KIAA0586: variants seen among roughly 807,000 people sequenced by gnomAD.
KIAA0586 encodes the protein protein TALPID3.
KIAA0586 carries 144 observed loss-of-function variants against 169.8 expected under a neutral mutation model. That is an observed-to-expected ratio of 0.85 (90% CI 0.74 to 0.97). The LOEUF is 0.97. KIAA0586 is among the 50% of genes least tolerant of loss of function. The pLI, the probability that KIAA0586 is intolerant of heterozygous loss-of-function variation, is 0.00. For synonymous variants in KIAA0586, 625 were observed against 612.4 expected, an observed-to-expected ratio of 1.02 and a Z score of -0.30; for missense variants, 1,854 against 1,823.0, an observed-to-expected ratio of 1.02 and a Z score of -0.31.
intron 19 of KIAA0586, among the ~76,000 whole-genome samples, chr14:58,476,668 C>CTTTTT (rs10666323): frequency 3.8e-5 from 5 of 131,606 alleles, no homozygotes; most frequent in Non-Finnish European, 4.7e-5. Context: ...TTCAGAGGTA[C>CTTTTT]TTTTTTTTTT....
chr14:58,472,079 A>G, intron 17 of KIAA0586, 120 bp from the exon 18 acceptor site: 1 of 467,756 alleles, frequency 2.1e-6, no homozygotes, highest in Non-Finnish European at 3.8e-6. Context: ...ATAGGGTATT[A>G]AAATGATTAA....
At chr14:58,527,954 G>A (rs1270595097) in intron 29 of KIAA0586, among the ~76,000 whole-genome samples, 1 of 152,134 alleles carries the variant, frequency 6.6e-6, no homozygotes, top group Non-Finnish European at 1.5e-5. Context: ...GCTGTATTCA[G>A]GAGACCCATC....
intron 29 of KIAA0586, among the ~76,000 whole-genome samples, chr14:58,533,866 A>G (rs920670396): frequency 1.3e-5 from 2 of 152,052 alleles, no homozygotes; most frequent in African/African-American, 4.8e-5. Flanking sequence ...AAATCTTTAA[A>G]GCTCTTATTT....
intron 6 of KIAA0586, 51 bp downstream of exon 6, chr14:58,444,226 C>A: frequency 2.5e-6 from 3 of 1,177,060 alleles, no homozygotes; most frequent in Non-Finnish European, 3.7e-6. Context: ...TCACTTGGAT[C>A]TCTCAGCCAG....
chr14:58,527,511 C>T (rs542930204), intron 29 of KIAA0586, among the ~76,000 whole-genome samples: 4 of 152,272 alleles, frequency 2.6e-5, no homozygotes, highest in African/African-American at 4.8e-5. Context: ...GCTCTCTCTG[C>T]GGAAACCCTA....
At chr14:58,483,951 T>C (rs2042203498) in intron 21 of KIAA0586, among the ~76,000 whole-genome samples, 1 of 152,172 alleles carries the variant, frequency 6.6e-6, no homozygotes, top group African/African-American at 2.4e-5. Context: ...GATCTGTGCT[T>C]TATTAGCTCA....
chr14:58,531,209 C>G (rs1398428443), intron 29 of KIAA0586, among the ~76,000 whole-genome samples: 3 of 151,390 alleles, frequency 2.0e-5, no homozygotes, highest in African/African-American at 7.3e-5. Flanking sequence ...CACCTGTAGT[C>G]CCAGCTACTT....
At position 58,453,400 on chromosome 14, in the gene KIAA0586, A is replaced by C; in HGVS notation, c.1180A>C (p.Arg394=). 6.8e-7 allele frequency: 1 copy of C among 1,465,052 alleles called. No homozygotes were observed. The highest frequency in any genetic ancestry group is 1.3e-5 in the South Asian group (1 of 75,634). 90.8% of individuals were successfully genotyped at this position (1,465,052 alleles called of 1,614,324 possible). ...QILNNNDSLT[R]KSESSNTTSL... ...TTTGAATAATAATGATTCTTTGACAAGAAAAAGTGAATCATCAAACACCAC... is the reference window on the plus strand; with the variant it reads ...TTTGAATAATAATGATTCTTTGACACGAAAAAGTGAATCATCAAACACCAC... Residue 394 remains arginine, a synonymous_variant, in exon 9 of 31, where the codon AGA becomes CGA. Coordinates refer to ENST00000652326, the MANE Select transcript of KIAA0586 (RefSeq NM_001329943.3).
At chr14:58,485,746 C>T (rs1398054095) in intron 21 of KIAA0586, among the ~76,000 whole-genome samples, 1 of 152,152 alleles carries the variant, frequency 6.6e-6, no homozygotes, top group African/African-American at 2.4e-5. Context: ...TTTTCCTTCT[C>T]CAGTACTTTC....
chr14:58,547,358 C>G (rs555961315), intron 30 of KIAA0586, among the ~76,000 whole-genome samples: 13 of 152,090 alleles, frequency 8.5e-5, no homozygotes, highest in Non-Finnish European at 1.5e-4. Flanking sequence ...ACTATTTTAT[C>G]CTCACTATAC....
chr14:58,440,286 CTT>C lies in KIAA0586; in HGVS notation c.411-2418_411-2417del, dbSNP rs1346929305. ...CTCTGCTCTGCTTTTCTCTTTTCTTCTTTCTCTCTCTCTCTCTCTTCCTCCCT... is the reference window on the plus strand; with the variant it reads ...CTCTGCTCTGCTTTTCTCTTTTCTTCTCTCTCTCTCTCTCTCTTCCTCCCT... On this transcript the variant is annotated intron_variant, in intron 4 of 30. Transcript: ENST00000652326. 10 of 394,134 alleles carry C rather than the reference CTT, an allele frequency of 2.5e-5. No homozygotes were observed. The East Asian group carries it at 2.6e-4, about 10-fold the overall frequency. The allele number at this position is 394,134 out of a possible 1,614,324, so 24.4% of individuals were successfully genotyped here. A position where few individuals can be genotyped will look rare whatever the true frequency, so the allele number is the denominator to read the frequency against.
chr14:58,447,971 G>A (rs1219540149), intron 6 of KIAA0586, among the ~76,000 whole-genome samples: 2 of 152,158 alleles, frequency 1.3e-5, no homozygotes, highest in Non-Finnish European at 2.9e-5. Flanking sequence ...GGATGTTTTG[G>A]TTTAAAATTC....
Position 58,474,652 on chromosome 14 carries a change from G to C in KIAA0586, c.2680G>C (p.Glu894Gln), listed in dbSNP as rs775003392. ...AATTCCAGACTCTGAACCAATTCTG[G>C]AGTTTAACAGAAGTGTTAAAGCTGA... is the stretch of plus-strand genomic sequence containing the variant. Reference protein sequence around the residue: ...DEIPDSEPILEFNRSVKADST... With the variant: ...DEIPDSEPILQFNRSVKADST... The change falls in exon 19 of 31, where the codon GAG (glutamate) becomes CAG (glutamine). Residue 894 changes from glutamate (E) to glutamine (Q), a missense_variant. Coordinates refer to ENST00000652326, the MANE Select transcript of KIAA0586 (RefSeq NM_001329943.3). 4.4e-6 allele frequency: 7 copies of C among 1,602,932 alleles called. No homozygotes were observed. Among genetic ancestry groups the C allele is most frequent in the Non-Finnish European group, 5.9e-6 (7 of 1,176,908 alleles).
At chr14:58,480,673 A>G (rs1296637589) in intron 20 of KIAA0586, among the ~76,000 whole-genome samples, 1 of 151,792 alleles carries the variant, frequency 6.6e-6, no homozygotes, top group African/African-American at 2.4e-5. Context: ...TATTTGTTCT[A>G]TTTTCTTTGC....
intron 7 of KIAA0586, 88 bp from the exon 8 acceptor site, chr14:58,450,491 A>G (rs2039274712): frequency 1.4e-6 from 1 of 709,868 alleles, no homozygotes; most frequent in African/African-American, 1.8e-5. Context: ...TTTTGAATTT[A>G]TTTTTAAAGT....
At chr14:58,539,069 C>A (rs926898538) in intron 29 of KIAA0586, among the ~76,000 whole-genome samples, 1 of 152,176 alleles carries the variant, frequency 6.6e-6, no homozygotes, top group African/African-American at 2.4e-5. Flanking sequence ...CATGAACCAC[C>A]TCACCCAGAC....
At chr14:58,517,622 T>TA (rs1055623834) in intron 29 of KIAA0586, among the ~76,000 whole-genome samples, 6 of 152,236 alleles carry the variant, frequency 3.9e-5, no homozygotes, top group Admixed American at 2.0e-4. Flanking sequence ...ATTTCCTATG[T>TA]ATTCATTCAA....
At chr14:58,531,141 C>T (rs1437925017) in intron 29 of KIAA0586, among the ~76,000 whole-genome samples, 2 of 150,896 alleles carry the variant, frequency 1.3e-5, no homozygotes, top group Admixed American at 6.6e-5. Flanking sequence ...CACAGTGAAA[C>T]CCCGTCTCTA....
At chr14:58,516,574 C>T (rs192228905) in intron 29 of KIAA0586, among the ~76,000 whole-genome samples, 175 of 152,264 alleles carry the variant, frequency 1.1e-3, no homozygotes, top group African/African-American at 3.9e-3. Context: ...CAGTTCCCTC[C>T]AAATTGATCT....
Sources: allele counts gnomAD v4.1 joint callset (sites outside exome capture counted in the v4.1 genomes callset), GRCh38; gene constraint gnomAD v4.1.1; transcripts MANE v1.5; gene names NCBI Gene and HGNC (gene_info 2026-07-23, HGNC 2026-07-21).